Variants in INTS6 observed in about 807,000 individuals in gnomAD.
INTS6 encodes DEAD box protein.
Under a neutral mutation model 104.9 loss-of-function variants are expected in INTS6, and 16 were observed. The ratio of observed to expected loss-of-function variants is 0.15; its 90% CI spans 0.10 to 0.23. INTS6 has a LOEUF of 0.23. Ranked by LOEUF, INTS6 falls within the 10% of genes least tolerant of loss-of-function variation. INTS6 has a pLI of 1.00. For missense variants in INTS6, 584 were observed against 1,062.8 expected (o/e 0.55, Z 6.26); for synonymous variants, 324 against 358.7 (o/e 0.90, Z 1.09).
At chr13:51,418,698 A>C (rs1956839653) in intron 4 of INTS6, among the ~76,000 whole-genome samples, 2 of 152,206 alleles carry the variant, frequency 1.3e-5, no homozygotes, top group Admixed American at 6.5e-5. Context: ...AGCTTCTAGT[A>C]GTTTAAGGTC....
Position 51,451,906 on chromosome 13 carries a change from G to A in INTS6, c.189+72C>T, listed in dbSNP as rs577956073. On this transcript the variant is annotated intron_variant, in intron 2 of 17. Transcript: ENST00000311234. ...GGGGAGCATAATGAAGGGTGAATGG[G>A]GGGGCGGGGAGGGCGAGCGAGGAAG... 1.2e-4 allele frequency: 127 copies of A among 1,080,506 alleles called. 1 individual carries two copies. The highest frequency in any genetic ancestry group is 1.5e-4 in the Non-Finnish European group (110 of 723,452). The allele number at this position is 1,080,506 out of a possible 1,614,324, so 66.9% of individuals were successfully genotyped here.
rs747894042 is a variant in INTS6 at position 51,452,526 on chromosome 13, A to G, written c.-1T>C. ...CTATCAGGAACAGTAAGATGGGCATAGTGCTGGCCGGGGACACCGGGGCCC... is the reference window on the plus strand; with the variant it reads ...CTATCAGGAACAGTAAGATGGGCATGGTGCTGGCCGGGGACACCGGGGCCC... On this transcript the variant is annotated 5_prime_UTR_variant, in exon 1 of 18. Coordinates refer to ENST00000311234, the MANE Select transcript of INTS6 (RefSeq NM_012141.3). The surrounding 1 kb of genome is among the most constrained non-coding windows in gnomAD (Gnocchi z 4.2). 3 of 1,609,936 alleles carry G rather than the reference A, an allele frequency of 1.9e-6. No individual in the cohort carries two copies. In the South Asian group the frequency reaches 3.3e-5, roughly 18 times the overall value.
intron 7 of INTS6, among the ~76,000 whole-genome samples, chr13:51,385,851 T>G (rs1331173399): frequency 6.6e-6 from 1 of 152,182 alleles, no homozygotes; most frequent in African/African-American, 2.4e-5. Context: ...ATAGCCCTCA[T>G]AGGTAACCTA....
chr13:51,368,471 C>T (rs1449194846), intron 16 of INTS6, among the ~76,000 whole-genome samples: 5 of 152,130 alleles, frequency 3.3e-5, no homozygotes, highest in Non-Finnish European at 7.4e-5. Context: ...CTTTTTCCCA[C>T]GAAGTTCTTT....
intron 5 of INTS6, among the ~76,000 whole-genome samples, chr13:51,394,684 G>A (rs1047567711): frequency 2.6e-5 from 4 of 152,142 alleles, no homozygotes; most frequent in African/African-American, 4.8e-5. Flanking sequence ...AGCATGGAAC[G>A]ATACTTGGTA....
chr13:51,403,868 G>A (rs1323948828), intron 4 of INTS6, among the ~76,000 whole-genome samples: 1 of 152,002 alleles, frequency 6.6e-6, no homozygotes, highest in African/African-American at 2.4e-5. Context: ...CAAAGTAAAA[G>A]AGATGCAAAG....
chr13:51,340,649 A>G, the INTS6 span: 1 of 169,312 alleles, frequency 5.9e-6, no homozygotes, highest in South Asian at 1.5e-4. Context: ...CCTTTTTAAC[A>G]TAGTAGATAA....
rs1955613899 is a variant in INTS6 at position 51,363,066 on chromosome 13, C to T, written c.*2686G>A. 6.6e-6 allele frequency: 1 copy of T among 151,750 alleles called. No homozygotes were observed. The highest frequency in any genetic ancestry group is 6.6e-5 in the Admixed American group (1 of 15,204). The allele number at this position is 151,750 out of a possible 1,614,324, so 9.4% of individuals were successfully genotyped here. On this transcript the variant is annotated 3_prime_UTR_variant, in exon 18 of 18. Transcript: ENST00000311234. ...ATGAGAAAAAGGACAGGTTCTACTC[C>T]CTAAGGAAACAAAGAGACAGGACTA...
chr13:51,448,369 G>A (rs1276185067), intron 3 of INTS6: 1 of 152,132 alleles, frequency 6.6e-6, no homozygotes, highest in Admixed American at 6.5e-5. Flanking sequence ...ATCAGTAAAT[G>A]GTACTGATTA....
downstream of INTS6, chr13:51,353,974 G>A (rs1955439937): frequency 6.6e-6 from 1 of 152,048 alleles, no homozygotes; most frequent in Admixed American, 6.6e-5. Context: ...TATAAAATTG[G>A]TGTAGTGATT....
At chr13:51,392,100 C>G (rs1566219954) in intron 5 of INTS6, among the ~76,000 whole-genome samples, 1 of 152,178 alleles carries the variant, frequency 6.6e-6, no homozygotes, top group Non-Finnish European at 1.5e-5. Context: ...TAGCATAGAA[C>G]AAAGTACTAC....
At chr13:51,432,898 T>C (rs1006057733) in intron 3 of INTS6, among the ~76,000 whole-genome samples, 1 of 152,216 alleles carries the variant, frequency 6.6e-6, no homozygotes, top group Non-Finnish European at 1.5e-5. Context: ...AATAAACATA[T>C]GTACACATAA....
chr13:51,341,217 C>T, the INTS6 span: 159 of 1,614,016 alleles, frequency 9.9e-5, no homozygotes, highest in East Asian at 1.5e-3. Flanking sequence ...AGAGTGTGGC[C>T]GCGTGTAGAA....
intron 3 of INTS6, chr13:51,440,860 C>CT (rs1952784488): frequency 6.6e-6 from 1 of 152,178 alleles, no homozygotes; most frequent in South Asian, 2.1e-4. Flanking sequence ...TTCTCAGAAC[C>CT]TATCTCCATT....
chr13:51,343,161 G>A, the INTS6 span, among the ~76,000 whole-genome samples: 1 of 152,318 alleles, frequency 6.6e-6, no homozygotes, highest in Non-Finnish European at 1.5e-5. Flanking sequence ...CCCCAAGTGA[G>A]TGAGAGTTTC....
intron 3 of INTS6, chr13:51,438,472 CAT>C (rs1449131137): frequency 2.0e-5 from 3 of 152,058 alleles, no homozygotes; most frequent in African/African-American, 7.2e-5. Flanking sequence ...CAGATTGCTA[CAT>C]GTTTTAGAAT....
At chr13:51,441,620 T>C (rs367710280) in intron 3 of INTS6, 10 of 152,154 alleles carry the variant, frequency 6.6e-5, no homozygotes, top group African/African-American at 2.4e-4. Flanking sequence ...CTGGTTGGCA[T>C]ACTACATTGG....
intron 3 of INTS6, chr13:51,354,972 C>T (rs1955457249): frequency 1.3e-6 from 1 of 743,684 alleles, no homozygotes; most frequent in Non-Finnish European, 2.3e-6. Context: ...GGATTTTGGA[C>T]TTCATGTGGT....
intron 7 of INTS6, chr13:51,385,371 C>T (rs1306515250): frequency 6.6e-6 from 1 of 152,200 alleles, no homozygotes; most frequent in African/African-American, 2.4e-5. Context: ...CACTGTTTTA[C>T]TCATCTTGTG....
Sources: allele counts gnomAD v4.1 joint callset (sites outside exome capture counted in the v4.1 genomes callset), GRCh38; gene constraint gnomAD v4.1.1; non-coding constraint Gnocchi (gnomAD v3.1); transcripts MANE v1.5; gene names NCBI Gene and HGNC (gene_info 2026-07-23, HGNC 2026-07-21).